Variants in SEMA3A observed in about 807,000 individuals in gnomAD.
SEMA3A encodes semaphorin-3A.
A neutral mutation model predicts 97.9 loss-of-function variants in SEMA3A; 29 were observed. The observed-to-expected ratio is 0.30, with a 90% confidence interval of 0.22 to 0.40. SEMA3A has a LOEUF of 0.40. Ranked by LOEUF, SEMA3A falls within the 10% of genes least tolerant of loss-of-function variation. The pLI is 1.00. For synonymous variants in SEMA3A, 321 were observed against 323.7 expected, an observed-to-expected ratio of 0.99 and a Z score of 0.09; for missense variants, 763 against 951.3, an observed-to-expected ratio of 0.80 and a Z score of 2.60.
intron 1 of SEMA3A, among the ~76,000 whole-genome samples, chr7:84,377,216 T>C (rs1006203595): frequency 2.0e-5 from 3 of 151,690 alleles, no homozygotes; most frequent in South Asian, 2.1e-4. Context: ...GATAGGGGTC[T>C]AGTTTCATCT....
chr7:84,222,003 G>A (rs1009813018), intron 3 of SEMA3A, among the ~76,000 whole-genome samples: 6 of 151,730 alleles, frequency 4.0e-5, no homozygotes, highest in Non-Finnish European at 5.9e-5. Context: ...AGATACGCCC[G>A]TATATCAATA....
intron 1 of SEMA3A, among the ~76,000 whole-genome samples, chr7:84,486,234 A>G (rs1806570917): frequency 6.6e-6 from 1 of 152,106 alleles, no homozygotes; most frequent in South Asian, 2.1e-4. Context: ...TTAAAAATAC[A>G]AAAATGAGCT....
intron 5 of SEMA3A, among the ~76,000 whole-genome samples, chr7:84,055,834 C>A (rs1562738472): frequency 6.6e-6 from 1 of 152,138 alleles, no homozygotes; most frequent in Non-Finnish European, 1.5e-5. Context: ...AAATGTTATT[C>A]TGCAATTATT....
chr7:84,189,791 C>T (rs991075518), intron 1 of SEMA3A, among the ~76,000 whole-genome samples: 5 of 151,434 alleles, frequency 3.3e-5, no homozygotes, highest in African/African-American at 1.2e-4. Flanking sequence ...CCATGAAATA[C>T]ATTAAATCTT....
chr7:83,996,626 C>A (rs1211249197), intron 12 of SEMA3A, among the ~76,000 whole-genome samples: 1 of 152,060 alleles, frequency 6.6e-6, no homozygotes, highest in Non-Finnish European at 1.5e-5. Context: ...AATTTTAAAA[C>A]AAAACACTTT....
intron 5 of SEMA3A, among the ~76,000 whole-genome samples, chr7:84,052,172 C>G (rs1467303874): frequency 6.6e-6 from 1 of 151,628 alleles, no homozygotes; most frequent in Non-Finnish European, 1.5e-5. Context: ...CTAAAATTCT[C>G]TTTTTTGGTT....
At chr7:84,305,337 T>A (rs1317930011) in intron 3 of SEMA3A, among the ~76,000 whole-genome samples, 4 of 151,868 alleles carry the variant, frequency 2.6e-5, no homozygotes. Flanking sequence ...TATTTATGTA[T>A]CCTAGCTTAT....
chr7:84,296,517 T>G (rs1234280565), intron 3 of SEMA3A, among the ~76,000 whole-genome samples: 1 of 152,178 alleles, frequency 6.6e-6, no homozygotes, highest in African/African-American at 2.4e-5. Flanking sequence ...GGCAAGCCTA[T>G]GTAGCAAGTT....
At chr7:84,337,086 A>T (rs1802054349) in intron 2 of SEMA3A, among the ~76,000 whole-genome samples, 1 of 152,110 alleles carries the variant, frequency 6.6e-6, no homozygotes, top group Non-Finnish European at 1.5e-5. Context: ...ACTCCTTAAG[A>T]CTCAGTTAAC....
At chr7:84,058,173 G>T (rs997975378) in intron 5 of SEMA3A, among the ~76,000 whole-genome samples, 16 of 152,136 alleles carry the variant, frequency 1.1e-4, no homozygotes, top group Non-Finnish European at 1.0e-4. Context: ...TTATTTCCCA[G>T]TATTGGGGAA....
chr7:84,448,000 C>T (rs1355914722), intron 1 of SEMA3A, among the ~76,000 whole-genome samples: 3 of 152,202 alleles, frequency 2.0e-5, no homozygotes, highest in Non-Finnish European at 4.4e-5. Context: ...CCTGGATTTG[C>T]CCACCCTGCT....
At chr7:84,097,005 C>T (rs1794795847) in intron 4 of SEMA3A, among the ~76,000 whole-genome samples, 1 of 152,060 alleles carries the variant, frequency 6.6e-6, no homozygotes, top group Admixed American at 6.6e-5. Flanking sequence ...GGAATGCTAT[C>T]TAGCATGACA....
chr7:84,141,097 G>A (rs574499304), intron 1 of SEMA3A, among the ~76,000 whole-genome samples: 2 of 152,264 alleles, frequency 1.3e-5, no homozygotes, highest in African/African-American at 2.4e-5. Flanking sequence ...ACTGTGTGGA[G>A]GATGAATTCT....
chr7:84,327,133 T>A (rs1801792608), intron 2 of SEMA3A, among the ~76,000 whole-genome samples: 2 of 151,990 alleles, frequency 1.3e-5, no homozygotes, highest in Non-Finnish European at 2.9e-5. Flanking sequence ...ATCTGAAATA[T>A]GCAAAATCTG....
intron 2 of SEMA3A, among the ~76,000 whole-genome samples, chr7:84,330,544 G>C (rs912032194): frequency 1.8e-4 from 27 of 152,034 alleles, no homozygotes; most frequent in African/African-American, 6.5e-4. Context: ...AGGACATAAA[G>C]TAGGAAGGCA....
At chr7:84,322,137 G>A (rs2115913192) in intron 2 of SEMA3A, among the ~76,000 whole-genome samples, 1 of 151,374 alleles carries the variant, frequency 6.6e-6, no homozygotes, top group Admixed American at 6.6e-5. Context: ...GAACAGCATG[G>A]GGGAAACTCC....
At chr7:84,375,215 T>C (rs946062731) in intron 1 of SEMA3A, among the ~76,000 whole-genome samples, 5 of 152,110 alleles carry the variant, frequency 3.3e-5, no homozygotes, top group Non-Finnish European at 5.9e-5. Context: ...AGATGAGGTT[T>C]CACCATTTTG....
intron 6 of SEMA3A, among the ~76,000 whole-genome samples, chr7:84,031,085 C>T (rs925795650): frequency 5.4e-5 from 8 of 146,888 alleles, no homozygotes; most frequent in South Asian, 2.2e-4. Context: ...CTCCGCCTCA[C>T]AGATGCAAGC....
chr7:84,276,744 CTTA>C (rs1317388653), intron 3 of SEMA3A, among the ~76,000 whole-genome samples: 1 of 151,986 alleles, frequency 6.6e-6, no homozygotes, highest in Non-Finnish European at 1.5e-5. Context: ...GCCTAGTGCT[CTTA>C]TTATACTTTA....
Sources: allele counts gnomAD v4.1 joint callset (sites outside exome capture counted in the v4.1 genomes callset), GRCh38; gene constraint gnomAD v4.1.1; transcripts MANE v1.5; gene names NCBI Gene and HGNC (gene_info 2026-07-23, HGNC 2026-07-21).